OLA1: variants seen among roughly 807,000 people sequenced by gnomAD.
OLA1 encodes the protein obg-like ATPase 1.
A neutral mutation model predicts 48.4 loss-of-function variants in OLA1; 14 were observed. The ratio of observed to expected loss-of-function variants is 0.29; its 90% CI spans 0.19 to 0.45. The LOEUF (loss-of-function observed/expected upper bound fraction) is 0.45. Ranked by LOEUF, OLA1 falls within the 20% of genes least tolerant of loss-of-function variation. OLA1 has a pLI of 1.00. For missense variants in OLA1, 325 were observed against 467.1 expected (o/e 0.70, Z 2.80); for synonymous variants, 127 against 150.4 (o/e 0.84, Z 1.14).
intron 7 of OLA1, among the ~76,000 whole-genome samples, chr2:174,105,484 T>C (rs1195469893): frequency 6.6e-6 from 1 of 152,036 alleles, no homozygotes; most frequent in East Asian, 1.9e-4. Flanking sequence ...AAAACAGAAT[T>C]AATGTATAAC....
chr2:174,233,025 AAAG>A (rs1312609082), intron 2 of OLA1, among the ~76,000 whole-genome samples: 1 of 152,226 alleles, frequency 6.6e-6, no homozygotes, highest in Non-Finnish European at 1.5e-5. Context: ...CAGCCCTTAA[AAAG>A]AAGGAAATCC....
intron 3 of OLA1, among the ~76,000 whole-genome samples, chr2:174,225,388 T>C (rs1159665611): frequency 1.3e-5 from 2 of 152,104 alleles, no homozygotes; most frequent in African/African-American, 2.4e-5. Flanking sequence ...CCATCTCTAC[T>C]AAAAATACAA....
chr2:174,242,696 C>G (rs768629936), intron 2 of OLA1, among the ~76,000 whole-genome samples: 2 of 152,208 alleles, frequency 1.3e-5, no homozygotes, highest in Non-Finnish European at 2.9e-5. Flanking sequence ...CTAATCCCAT[C>G]TGATGCAGTG....
intron 5 of OLA1, among the ~76,000 whole-genome samples, chr2:174,135,707 C>A (rs1201181119): frequency 6.6e-6 from 1 of 152,148 alleles, no homozygotes; most frequent in African/African-American, 2.4e-5. Context: ...TAGAAATGAT[C>A]TCTTTAAGTC....
At chr2:174,143,818 T>G (rs1686515707) in intron 4 of OLA1, among the ~76,000 whole-genome samples, 1 of 151,314 alleles carries the variant, frequency 6.6e-6, no homozygotes, top group South Asian at 2.1e-4. Context: ...CAAATTATCT[T>G]TTAGGTTGGG....
chr2:174,078,908 A>T, intron 10 of OLA1, 60 bp downstream of exon 10: 1 of 1,508,476 alleles, frequency 6.6e-7, no homozygotes, highest in Non-Finnish European at 9.0e-7. Context: ...CATTTTTATC[A>T]TGACTAACTT....
chr2:174,141,825 A>G lies in OLA1; in HGVS notation c.549T>C (p.Tyr183=). ...RGGDKKLKPE[Y]DIMCKVKSWV... ...AAAGAAGCTGTAAATTTTTACTTAC[A>G]TATTCAGGTTTTAGTTTTTTATCTC... The change falls in exon 5 of 11, where the codon TAT becomes TAC. Residue 183 remains tyrosine, a splice_region_variant and synonymous_variant. Transcript: ENST00000284719. The G allele has an allele frequency of 1.3e-6, 2 of 1,591,810 alleles. No homozygotes were observed. Among genetic ancestry groups the G allele is most frequent in the South Asian group, 2.3e-5 (2 of 86,044 alleles).
Position 174,214,473 on chromosome 2 carries a change from C to G in OLA1, c.373+8560G>C, listed in dbSNP as rs1688317373. 2.0e-5 allele frequency among the ~76,000 whole-genome samples: 3 copies of G among 152,178 alleles called. No individual in the cohort carries two copies. The South Asian group carries it at 6.2e-4, about 31-fold the overall frequency. On this transcript the variant is annotated intron_variant, in intron 4 of 10. Transcript: ENST00000284719. The stretch of plus-strand genomic sequence containing the variant: ...GGTTATATCTTAACCTAAGATCCTG[C>G]CTCTCAAACTGGGACTGCTGGAAAT...
chr2:174,078,036 T>C (rs1243500381), intron 10 of OLA1, among the ~76,000 whole-genome samples: 2 of 152,022 alleles, frequency 1.3e-5, no homozygotes, highest in Non-Finnish European at 2.9e-5. Flanking sequence ...TCATTCAACA[T>C]TGAACCAATT....
chr2:174,149,157 A>C (rs993691429), intron 4 of OLA1, among the ~76,000 whole-genome samples: 16 of 152,204 alleles, frequency 1.1e-4, no homozygotes, highest in Admixed American at 1.0e-3. Flanking sequence ...CAAGCTAACA[A>C]ACTGATCTTA....
In OLA1 at chr2:174,229,349, A is replaced by T. The variant is rs1447153828; in HGVS notation, c.204T>A (p.Asp68Glu). ...DPNESRVPVP[D>E]ERFDFLCQYH... ...ATTGACAAAGAAAGTCAAACCTTTC[A>T]TCTGGCACAGGTACTCTGCTCTCAT... Residue 68 changes from aspartate (D) to glutamate (E), a missense_variant, in exon 3 of 11, where the codon GAT becomes GAA. By Grantham distance (45) the Asp-to-Glu change is conservative (BLOSUM62 2). Transcript: ENST00000284719. 6.2e-7 allele frequency: 1 copy of T among 1,612,822 alleles called. No homozygotes were observed. The highest frequency in any genetic ancestry group is 2.2e-5 in the East Asian group (1 of 44,864).
Position 174,105,839 on chromosome 2 carries a change from AATG to A in OLA1, c.728+17338_728+17340del, listed in dbSNP as rs947942991. ...TACGTTATAATATTCTTGAAGCAAAAATGAGTACGAACCTAGCCAAAAAGACTT... is the reference window on the plus strand; with the variant it reads ...TACGTTATAATATTCTTGAAGCAAAAAGTACGAACCTAGCCAAAAAGACTT... On this transcript the variant is annotated intron_variant, in intron 7 of 10. Transcript: ENST00000284719. 1.8e-4 allele frequency among the ~76,000 whole-genome samples: 27 copies of A among 152,008 alleles called. 1 individual carries two copies. The highest frequency in any genetic ancestry group is 5.9e-4 in the Admixed American group (9 of 15,240).
intron 4 of OLA1, among the ~76,000 whole-genome samples, chr2:174,201,476 G>A (rs1343674629): frequency 6.6e-6 from 1 of 152,074 alleles, no homozygotes; most frequent in Non-Finnish European, 1.5e-5. Flanking sequence ...AGCCACCTGA[G>A]TAACTGAGAC....
chr2:174,164,805 C>T (rs1687123627), intron 4 of OLA1, among the ~76,000 whole-genome samples: 1 of 152,184 alleles, frequency 6.6e-6, no homozygotes, highest in South Asian at 2.1e-4. Flanking sequence ...ATTTTATCTG[C>T]TCACAGTGAC....
At chr2:174,095,068 T>G (rs1685216159) in intron 7 of OLA1, among the ~76,000 whole-genome samples, 1 of 152,234 alleles carries the variant, frequency 6.6e-6, no homozygotes, top group Admixed American at 6.5e-5. Context: ...GATATTTGGG[T>G]TGCTTCTATC....
chr2:174,123,756 T>C lies in OLA1; in HGVS notation c.550-81A>G, dbSNP rs1685977367. ...TAAATATTAAAAAGTTTTCAAATTTTCAAAATAAAAATAGATTGTTTTAAT... is the reference window on the plus strand; with the variant it reads ...TAAATATTAAAAAGTTTTCAAATTTCCAAAATAAAAATAGATTGTTTTAAT... On this transcript the variant is annotated intron_variant, in intron 5 of 10. Coordinates refer to ENST00000284719, the MANE Select transcript of OLA1 (RefSeq NM_013341.5). 4 of 634,662 alleles carry C rather than the reference T, an allele frequency of 6.3e-6. No homozygotes were observed. In the South Asian group the frequency reaches 1.5e-4, roughly 24 times the overall value. The allele number at this position is 634,662 out of a possible 1,614,324, so 39.3% of individuals were successfully genotyped here. A position where few individuals can be genotyped will look rare whatever the true frequency, so the allele number is the denominator to read the frequency against.
At chr2:174,082,189 A>G (rs1558944750) in intron 7 of OLA1, 125 bp from the exon 8 acceptor site, 1 of 1,030,960 alleles carries the variant, frequency 9.7e-7, no homozygotes, top group East Asian at 2.5e-5. Context: ...ATCTTTTTGT[A>G]TATAGCTTTC....
At position 174,157,814 on chromosome 2, in the gene OLA1, T is replaced by C. The variant is rs1337813017; in HGVS notation, c.374-15814A>G. 2.6e-5 allele frequency among the ~76,000 whole-genome samples: 4 copies of C among 152,216 alleles called. No homozygotes were observed. The East Asian group carries it at 5.8e-4, about 22-fold the overall frequency. On this transcript the variant is annotated intron_variant, in intron 4 of 10. Transcript: ENST00000284719. ...GTCTGATTAAATCCACATTACACAA[T>C]AGAGATCACATTCTTGGGTCCAAAT...
At chr2:174,195,068 C>T (rs1317193795) in intron 4 of OLA1, among the ~76,000 whole-genome samples, 1 of 152,084 alleles carries the variant, frequency 6.6e-6, no homozygotes, top group Non-Finnish European at 1.5e-5. Context: ...TGTGCTTCAG[C>T]CTTCATCTGA....
Sources: allele counts gnomAD v4.1 joint callset (sites outside exome capture counted in the v4.1 genomes callset), GRCh38; gene constraint gnomAD v4.1.1; transcripts MANE v1.5; gene names NCBI Gene and HGNC (gene_info 2026-07-23, HGNC 2026-07-21).